GPHN: variants seen among roughly 807,000 people sequenced by gnomAD.
GPHN encodes gephyrin.
In GPHN, 17 loss-of-function variants were observed where a neutral mutation model predicts 95.5. That is an observed-to-expected ratio of 0.18 (90% CI 0.12 to 0.27). The LOEUF (loss-of-function observed/expected upper bound fraction) is 0.27, where lower values mean the gene tolerates loss of function less well. Ranked by LOEUF, GPHN falls within the 10% of genes least tolerant of loss-of-function variation. The probability of loss-of-function intolerance (pLI) is 1.00; values close to 1 mark genes in which losing one functional copy is unlikely to be tolerated. For missense variants in GPHN, 660 were observed against 978.1 expected, an observed-to-expected ratio of 0.67 and a Z score of 4.34; for synonymous variants, 320 against 322.5, an observed-to-expected ratio of 0.99 and a Z score of 0.08.
At chr14:66,947,786 T>A (rs1321774150) in intron 8 of GPHN, among the ~76,000 whole-genome samples, 1 of 152,080 alleles carries the variant, frequency 6.6e-6, no homozygotes, top group Non-Finnish European at 1.5e-5. Context: ...AGTGAAACCC[T>A]GTCTCTACAA....
the GPHN span, among the ~76,000 whole-genome samples, chr14:67,375,232 CTGTGTGTGTGTGTGTGTG>C: frequency 7.8e-4 from 108 of 137,668 alleles, 1 homozygote; most frequent in East Asian, 2.2e-3. Context: ...ATCCTCAGTT[CTGTGTGTGTGTGTGTGTG>C]TGTGTGTGTG....
At chr14:67,566,444 A>T in the GPHN span, among the ~76,000 whole-genome samples, 1 of 152,084 alleles carries the variant, frequency 6.6e-6, no homozygotes, top group Non-Finnish European at 1.5e-5. Context: ...TCACTGTGAT[A>T]GCTTAAGAGT....
chr14:67,237,003 C>T, the GPHN span, among the ~76,000 whole-genome samples: 1 of 151,902 alleles, frequency 6.6e-6, no homozygotes, highest in Non-Finnish European at 1.5e-5. Flanking sequence ...GGCAGGAAAA[C>T]CGCTTGAACC....
chr14:66,921,392 CTTATT>C (rs1237661995), intron 6 of GPHN, among the ~76,000 whole-genome samples: 4 of 147,534 alleles, frequency 2.7e-5, no homozygotes, highest in Admixed American at 1.3e-4. Context: ...GTTTGTATAT[CTTATT>C]TTGAGAATTG....
chr14:66,527,414 C>A (rs866234399), intron 1 of GPHN, among the ~76,000 whole-genome samples: 1,975 of 146,154 alleles, frequency 0.014, 19 homozygotes, highest in Middle Eastern at 0.022. Context: ...AAAAAAAAAA[C>A]AGCTCCTGGA....
At chr14:66,849,918 T>A (rs1413508365) in intron 4 of GPHN, among the ~76,000 whole-genome samples, 1 of 152,128 alleles carries the variant, frequency 6.6e-6, no homozygotes, top group Admixed American at 6.6e-5. Context: ...AATTATTTTA[T>A]CACTCATGCT....
chr14:66,816,105 T>C (rs907318669), intron 3 of GPHN, among the ~76,000 whole-genome samples: 2 of 152,034 alleles, frequency 1.3e-5, no homozygotes, highest in Non-Finnish European at 2.9e-5. Flanking sequence ...AACAAGAAGA[T>C]CTAAATATCC....
At chr14:67,186,130 A>C (rs1265199535), downstream of GPHN, among the ~76,000 whole-genome samples, 1 of 152,196 alleles carries the variant, frequency 6.6e-6, no homozygotes, top group Admixed American at 6.5e-5. Context: ...AATTCATTTT[A>C]TTTAACAAGC....
At chr14:67,330,007 AT>A in the GPHN span, among the ~76,000 whole-genome samples, 1 of 151,124 alleles carries the variant, frequency 6.6e-6, no homozygotes, top group African/African-American at 2.4e-5. Context: ...TAAAGATGTG[AT>A]TTTTTTCTTG....
At chr14:66,736,717 T>G (rs1363133781) in intron 2 of GPHN, among the ~76,000 whole-genome samples, 1 of 152,160 alleles carries the variant, frequency 6.6e-6, no homozygotes, top group East Asian at 1.9e-4. Flanking sequence ...TTTTGACTGT[T>G]TTCTTGCCTG....
chr14:67,294,168 C>CT, the GPHN span, among the ~76,000 whole-genome samples: 2 of 152,124 alleles, frequency 1.3e-5, no homozygotes, highest in Non-Finnish European at 2.9e-5. Flanking sequence ...TTTAAAAGTA[C>CT]TGTATAAAGG....
At chr14:67,247,304 A>T in the GPHN span, among the ~76,000 whole-genome samples, 20 of 152,360 alleles carry the variant, frequency 1.3e-4, no homozygotes, top group Admixed American at 1.1e-3. Context: ...ATCTAAAAAA[A>T]TCAGATTCCA....
the GPHN span, among the ~76,000 whole-genome samples, chr14:67,696,485 C>A: frequency 1.3e-5 from 2 of 152,150 alleles, no homozygotes; most frequent in African/African-American, 2.4e-5. Context: ...AGGAGAATCA[C>A]TTTATTGTGT....
the GPHN span, among the ~76,000 whole-genome samples, chr14:67,196,223 C>CTTTTTTTTTTTTT: frequency 4.2e-5 from 6 of 143,136 alleles, no homozygotes; most frequent in Non-Finnish European, 7.7e-5. Flanking sequence ...TTCTTTCTTT[C>CTTTTTTTTTTTTT]TTTTTTTTTT....
intron 4 of GPHN, among the ~76,000 whole-genome samples, chr14:66,827,141 T>A (rs756851323): frequency 2.0e-5 from 3 of 151,964 alleles, no homozygotes; most frequent in Non-Finnish European, 4.4e-5. Context: ...AAGAATTAGC[T>A]GGGCATGGTG....
intron 17 of GPHN, among the ~76,000 whole-genome samples, chr14:67,135,442 T>A (rs1306099376): frequency 6.6e-6 from 1 of 152,214 alleles, no homozygotes; most frequent in Non-Finnish European, 1.5e-5. Context: ...GTATCATTCT[T>A]CCATTTTGAT....
chr14:67,715,274 G>C, the GPHN span: 1 of 151,962 alleles, frequency 6.6e-6, no homozygotes, highest in Non-Finnish European at 1.5e-5. Context: ...ACAATATCCA[G>C]ATCTACTTCT....
chr14:67,538,844 G>A, the GPHN span, among the ~76,000 whole-genome samples: 2 of 152,256 alleles, frequency 1.3e-5, no homozygotes, highest in African/African-American at 4.8e-5. Flanking sequence ...TGCTTGATTG[G>A]GGAAAGCATT....
chr14:67,305,990 T>A, the GPHN span, among the ~76,000 whole-genome samples: 7 of 151,832 alleles, frequency 4.6e-5, no homozygotes, highest in Admixed American at 4.6e-4. Context: ...TCTGTTCTTT[T>A]TACTTGGAGT....
Sources: gnomAD v4.1 joint callset for allele counts (sites outside exome capture counted in the v4.1 genomes callset) on GRCh38, gnomAD v4.1.1 for gene constraint, MANE v1.5 for transcripts, NCBI Gene and HGNC (gene_info 2026-07-23, HGNC 2026-07-21) for gene names.